The following B3GALT1 variants were observed in gnomAD, a reference collection of about 807,000 sequenced individuals.
The protein encoded by B3GALT1 is beta-1,3-galactosyltransferase 1, also known as UDP-Gal:betaGlcNAc beta 1,3-galactosyltransferase, polypeptide 1.
A neutral mutation model predicts 23.2 loss-of-function variants in B3GALT1; 10 were observed. That is an observed-to-expected ratio of 0.43 (90% CI 0.27 to 0.73). The LOEUF is 0.73. Ranked by LOEUF, B3GALT1 falls within the 30% of genes least tolerant of loss-of-function variation. The probability of loss-of-function intolerance (pLI) is 0.21; values close to 1 mark genes in which losing one functional copy is unlikely to be tolerated. For synonymous variants in B3GALT1, 156 were observed against 141.5 expected, an observed-to-expected ratio of 1.10 and a Z score of -0.73; for missense variants, 299 against 405.4, an observed-to-expected ratio of 0.74 and a Z score of 2.25.
intron 1 of B3GALT1, among the ~76,000 whole-genome samples, chr2:167,423,008 C>T (rs1235162369): frequency 6.6e-6 from 1 of 152,092 alleles, no homozygotes; most frequent in Non-Finnish European, 1.5e-5. Context: ...GGGAGATTCC[C>T]AGCAAAGGAA....
chr2:167,745,765 A>C (rs902218124), intron 3 of B3GALT1, among the ~76,000 whole-genome samples: 1 of 152,110 alleles, frequency 6.6e-6, no homozygotes, highest in Non-Finnish European at 1.5e-5. Context: ...AATTCTGAAA[A>C]TTTATTCTAC....
chr2:167,426,332 T>C (rs1698624202), intron 1 of B3GALT1, among the ~76,000 whole-genome samples: 1 of 151,128 alleles, frequency 6.6e-6, no homozygotes, highest in Non-Finnish European at 1.5e-5. Flanking sequence ...TGGAGCGCAG[T>C]GGTGCAATCT....
At chr2:167,569,714 A>G (rs1378849882) in intron 2 of B3GALT1, among the ~76,000 whole-genome samples, 1 of 151,898 alleles carries the variant, frequency 6.6e-6, no homozygotes, top group African/African-American at 2.4e-5. Context: ...AGGAGTGATG[A>G]GAGGGGACAT....
rs187904825 is a variant in B3GALT1, at chr2:167,646,674, A to C, written c.-409-235A>C. The stretch of plus-strand genomic sequence containing the variant: ...TGAAACCATTTATTCCCTGAGGGTG[A>C]GTAAGGACCCACTCCCCCTTGTGAG... On this transcript the variant is annotated intron_variant, in intron 2 of 4. Coordinates refer to ENST00000392690, the MANE Select transcript of B3GALT1 (RefSeq NM_020981.4). Among the ~76,000 whole-genome samples the C allele has an allele frequency of 3.2e-3, 491 of 152,296 alleles. 3 individuals carry two copies. Among genetic ancestry groups the C allele is most frequent in the Non-Finnish European group, 5.1e-3 (348 of 68,026 alleles).
rs116658829 is a variant in B3GALT1, at chr2:167,827,840, T to C, written c.-230+9047T>C. Among the ~76,000 whole-genome samples the C allele has an allele frequency of 4.1e-3, 621 of 152,212 alleles. 7 individuals carry two copies. The highest frequency in any genetic ancestry group is 0.014 in the African/African-American group (581 of 41,528). On this transcript the variant is annotated intron_variant, in intron 4 of 4. Transcript: ENST00000392690. ...ATCCCAGTGTGCTTTTCTGGGACTTTGTAACAGTTATTTCTGAGAGGGTTT... is the reference window on the plus strand; with the variant it reads ...ATCCCAGTGTGCTTTTCTGGGACTTCGTAACAGTTATTTCTGAGAGGGTTT...
intron 3 of B3GALT1, among the ~76,000 whole-genome samples, chr2:167,730,511 C>A (rs1687394749): frequency 6.6e-6 from 1 of 152,152 alleles, no homozygotes; most frequent in Non-Finnish European, 1.5e-5. Flanking sequence ...CAGGAACTCT[C>A]TTTACCAAGG....
intron 4 of B3GALT1, among the ~76,000 whole-genome samples, chr2:167,834,437 G>A (rs966430719): frequency 1.2e-4 from 19 of 152,152 alleles, no homozygotes; most frequent in African/African-American, 4.1e-4. Flanking sequence ...TGGCTTGTCC[G>A]TCCTTGAAAG....
At chr2:167,564,078 C>G (rs548122999) in intron 2 of B3GALT1, among the ~76,000 whole-genome samples, 2 of 151,050 alleles carry the variant, frequency 1.3e-5, no homozygotes, top group African/African-American at 4.9e-5. Context: ...GGGCGGCTGC[C>G]GGGCGGAGGG....
At chr2:167,659,896 T>G (rs1014909883) in intron 3 of B3GALT1, among the ~76,000 whole-genome samples, 1 of 152,022 alleles carries the variant, frequency 6.6e-6, no homozygotes, top group African/African-American at 2.4e-5. Flanking sequence ...TGCCTGTCAC[T>G]GTGTAGTAGT....
At position 167,500,833 on chromosome 2, in the gene B3GALT1, A is replaced by T. The variant is rs894541869; in HGVS notation, c.-410+10556A>T. Reference sequence around the variant, plus strand: ...AGAAAAATCTTTGGAAGAATGATTAATGGGAAGAAGTTGGTGCCAATGAGG... The same window carrying T: ...AGAAAAATCTTTGGAAGAATGATTATTGGGAAGAAGTTGGTGCCAATGAGG... On this transcript the variant is annotated intron_variant, in intron 2 of 4. Coordinates refer to ENST00000392690, the MANE Select transcript of B3GALT1 (RefSeq NM_020981.4). Among the ~76,000 whole-genome samples, 5 of 152,146 alleles carry T rather than the reference A, an allele frequency of 3.3e-5. No homozygotes were observed. The East Asian group carries it at 9.6e-4, about 29-fold the overall frequency.
At chr2:167,369,420 T>G (rs1697645427) in intron 1 of B3GALT1, among the ~76,000 whole-genome samples, 2 of 152,180 alleles carry the variant, frequency 1.3e-5, no homozygotes, top group Non-Finnish European at 2.9e-5. Context: ...GTGTGAAAGA[T>G]GAAAGAGGTT....
chr2:167,374,349 A>G (rs1697731617), intron 1 of B3GALT1, among the ~76,000 whole-genome samples: 1 of 152,122 alleles, frequency 6.6e-6, no homozygotes, highest in African/African-American at 2.4e-5. Flanking sequence ...TTTTTGGTAG[A>G]ATGATTTGTT....
chr2:167,442,448 C>T (rs540352705), intron 1 of B3GALT1, among the ~76,000 whole-genome samples: 2,567 of 151,898 alleles, frequency 0.017, 74 homozygotes, highest in African/African-American at 0.059. Context: ...CCTGAGGAAT[C>T]GCCACACTGA....
rs1243769793 is a variant in B3GALT1 at position 167,448,374 on chromosome 2, C to CT, written c.-510-41796dup. Among the ~76,000 whole-genome samples, 4 of 151,838 alleles carry CT rather than the reference C, an allele frequency of 2.6e-5. No individual in the cohort carries two copies. In the East Asian group the frequency reaches 5.8e-4, roughly 22 times the overall value. On this transcript the variant is annotated intron_variant, in intron 1 of 4. Transcript: ENST00000392690. Reference sequence around the variant, plus strand: ...TGATTTGAATTTCCCTGTTCCATAGCTTTTTTTAATATGTTTGTTGTACAT... The same window carrying CT: ...TGATTTGAATTTCCCTGTTCCATAGCTTTTTTTTAATATGTTTGTTGTACAT...
intron 2 of B3GALT1, among the ~76,000 whole-genome samples, chr2:167,571,243 C>T (rs908079713): frequency 6.6e-6 from 1 of 151,918 alleles, no homozygotes; most frequent in African/African-American, 2.4e-5. Context: ...TCTGCATTCA[C>T]ATTAAAGCAT....
At chr2:167,669,775 A>T (rs867176030) in intron 3 of B3GALT1, among the ~76,000 whole-genome samples, 2 of 152,158 alleles carry the variant, frequency 1.3e-5, no homozygotes, top group South Asian at 2.1e-4. Flanking sequence ...CCCTTGGCCT[A>T]CAGTTTATCT....
At chr2:167,446,959 T>G (rs1002314506) in intron 1 of B3GALT1, among the ~76,000 whole-genome samples, 3 of 152,212 alleles carry the variant, frequency 2.0e-5, no homozygotes, top group Admixed American at 2.0e-4. Context: ...AATTTTCAGC[T>G]TTTGTGCTCT....
chr2:167,462,303 G>C (rs780438791), intron 1 of B3GALT1, among the ~76,000 whole-genome samples: 1 of 152,110 alleles, frequency 6.6e-6, no homozygotes, highest in Non-Finnish European at 1.5e-5. Flanking sequence ...GCTCTCAAGA[G>C]CTGATATAAA....
chr2:167,752,543 C>T (rs1231382748), intron 3 of B3GALT1, among the ~76,000 whole-genome samples: 1 of 151,098 alleles, frequency 6.6e-6, no homozygotes, highest in Non-Finnish European at 1.5e-5. Context: ...AACTGCAGAC[C>T]TTTCCATCAG....
Sources: allele counts gnomAD v4.1 joint callset (sites outside exome capture counted in the v4.1 genomes callset), GRCh38; gene constraint gnomAD v4.1.1; transcripts MANE v1.5; gene names NCBI Gene and HGNC (gene_info 2026-07-23, HGNC 2026-07-21).